Variants in FOXP2 observed in about 807,000 individuals in gnomAD.
The protein encoded by FOXP2 is forkhead box protein P2.
A neutral mutation model predicts 115.8 loss-of-function variants in FOXP2; 12 were observed. The observed-to-expected ratio is 0.10, with a 90% CI of 0.07 to 0.17. The LOEUF is 0.17. Ranked by LOEUF, FOXP2 falls within the 10% of genes least tolerant of loss-of-function variation. FOXP2 has a pLI of 1.00. For missense variants in FOXP2, 629 were observed against 843.5 expected (o/e 0.75, Z 3.15); for synonymous variants, 328 against 297.7 (o/e 1.10, Z -1.05).
At chr7:114,570,671 G>T (rs1801252659) in intron 3 of FOXP2, 1 of 698,526 alleles carries the variant, frequency 1.4e-6, no homozygotes, top group South Asian at 1.5e-5. Flanking sequence ...AGACAATGAT[G>T]GAATATTCTT....
At chr7:114,578,258 A>G (rs895024548) in intron 3 of FOXP2, among the ~76,000 whole-genome samples, 1 of 151,858 alleles carries the variant, frequency 6.6e-6, no homozygotes, top group Non-Finnish European at 1.5e-5. Context: ...CTCCTTTTAT[A>G]TTACCTGAGT....
intron 3 of FOXP2, among the ~76,000 whole-genome samples, chr7:114,559,440 C>T (rs1003811935): frequency 4.6e-5 from 7 of 152,170 alleles, no homozygotes; most frequent in Middle Eastern, 3.4e-3. Context: ...TTCTCTACTG[C>T]GATTTCTAAC....
At chr7:114,642,789 TA>T (rs1396338294) in intron 7 of FOXP2, among the ~76,000 whole-genome samples, 166 bp downstream of exon 7, 2 of 84,250 alleles carry the variant, frequency 2.4e-5, no homozygotes, top group African/African-American at 1.2e-4. Flanking sequence ...AATATATATA[TA>T]TATATATATA....
intron 1 of FOXP2, among the ~76,000 whole-genome samples, chr7:114,107,309 G>A (rs373001252): frequency 6.6e-6 from 1 of 151,878 alleles, no homozygotes; most frequent in African/African-American, 2.4e-5. Flanking sequence ...TCTGTCTAAT[G>A]GTCGAGACCA....
intron 2 of FOXP2, among the ~76,000 whole-genome samples, chr7:114,331,073 A>G (rs941922398): frequency 6.6e-6 from 1 of 152,214 alleles, no homozygotes; most frequent in Non-Finnish European, 1.5e-5. Flanking sequence ...TCTTTATTAT[A>G]TCTTTATTAA....
In FOXP2 at chr7:114,426,581, A is replaced by G. The variant is rs181670107; in HGVS notation, c.70A>G (p.Ser24Gly). 29 of 1,611,778 alleles carry G rather than the reference A, an allele frequency of 1.8e-5. No homozygotes were observed. The East Asian group carries it at 6.3e-4, about 35-fold the overall frequency. ...SMNQNGMSTL[S>G]SQLDAGSRDG... ...GAATCAAAATGGAATGAGCACTCTA[A>G]GCAGCCAATTAGATGCTGGCAGCAG... Residue 24 changes from serine (S) to glycine (G), a missense_variant, in exon 2 of 17, where the codon AGC becomes GGC. Transcript: ENST00000350908.
At chr7:114,236,854 G>A (rs1795019660) in intron 1 of FOXP2, among the ~76,000 whole-genome samples, 1 of 152,092 alleles carries the variant, frequency 6.6e-6, no homozygotes, top group African/African-American at 2.4e-5. Flanking sequence ...GTGGACACCT[G>A]TAATCCCAGC....
intron 1 of FOXP2, among the ~76,000 whole-genome samples, chr7:114,123,766 G>A (rs1791629555): frequency 6.6e-6 from 1 of 152,072 alleles, no homozygotes; most frequent in African/African-American, 2.4e-5. Context: ...AAGGTCTTAT[G>A]TTTATTCTTA....
At chr7:114,632,995 A>G (rs1229417231) in intron 6 of FOXP2, among the ~76,000 whole-genome samples, 1 of 152,096 alleles carries the variant, frequency 6.6e-6, no homozygotes, top group Non-Finnish European at 1.5e-5. Context: ...AAATTATTTC[A>G]GTGTAAACAT....
chr7:114,660,219 A>G (rs935286219), intron 13 of FOXP2, among the ~76,000 whole-genome samples: 3 of 152,224 alleles, frequency 2.0e-5, no homozygotes, highest in Admixed American at 6.5e-5. Flanking sequence ...GGGTTCATCT[A>G]TATCCCTGTC....
At chr7:114,534,483 T>A (rs900507657) in intron 2 of FOXP2, 134 bp from the exon 3 acceptor site, 1 of 782,204 alleles carries the variant, frequency 1.3e-6, no homozygotes, top group African/African-American at 1.7e-5. Context: ...TATTAGAAGA[T>A]AAACAACAAT....
chr7:114,238,580 C>T (rs1795070474), intron 1 of FOXP2, among the ~76,000 whole-genome samples: 1 of 152,168 alleles, frequency 6.6e-6, no homozygotes, highest in South Asian at 2.1e-4. Flanking sequence ...CGAGACCAGC[C>T]TCGTCAACAT....
At chr7:114,688,448 C>T (rs1808491106) in intron 16 of FOXP2, among the ~76,000 whole-genome samples, 1 of 152,108 alleles carries the variant, frequency 6.6e-6, no homozygotes, top group Non-Finnish European at 1.5e-5. Context: ...TTCAAAGTTA[C>T]TTCTTTCATT....
chr7:114,234,736 TG>T (rs1431081454), intron 1 of FOXP2, among the ~76,000 whole-genome samples: 2 of 152,218 alleles, frequency 1.3e-5, no homozygotes, highest in Admixed American at 1.3e-4. Context: ...TACTCTAATC[TG>T]GCTCACTGGC....
intron 16 of FOXP2, among the ~76,000 whole-genome samples, chr7:114,674,948 A>T (rs1464462836): frequency 6.6e-6 from 1 of 152,128 alleles, no homozygotes. Flanking sequence ...AACTATTAAT[A>T]TGATTTCTGT....
chr7:114,122,873 T>C (rs1350347106), intron 1 of FOXP2, among the ~76,000 whole-genome samples: 1 of 152,072 alleles, frequency 6.6e-6, no homozygotes, highest in Non-Finnish European at 1.5e-5. Flanking sequence ...TTTTCTTGTA[T>C]ATGATTTTTC....
At chr7:114,290,780 A>G (rs1796571599) in intron 2 of FOXP2, among the ~76,000 whole-genome samples, 2 of 152,142 alleles carry the variant, frequency 1.3e-5, no homozygotes. Context: ...CCTACCTTAT[A>G]TGAAACCTTG....
chr7:114,449,271 T>C (rs192385591), intron 2 of FOXP2, among the ~76,000 whole-genome samples: 4 of 152,250 alleles, frequency 2.6e-5, no homozygotes, highest in Admixed American at 6.5e-5. Flanking sequence ...TAAGTATGGC[T>C]TATATTTGTG....
intron 2 of FOXP2, among the ~76,000 whole-genome samples, chr7:114,532,772 A>T (rs1024891278): frequency 1.3e-5 from 2 of 151,906 alleles, no homozygotes; most frequent in Non-Finnish European, 2.9e-5. Context: ...AAAGAAAAAA[A>T]AACTACATGA....
Sources: allele counts gnomAD v4.1 joint callset (sites outside exome capture counted in the v4.1 genomes callset), GRCh38; gene constraint gnomAD v4.1.1; transcripts MANE v1.5; gene names NCBI Gene and HGNC (gene_info 2026-07-23, HGNC 2026-07-21).